The following FAAH variants were observed in gnomAD, a reference collection of about 807,000 sequenced individuals.
The protein encoded by FAAH is fatty acid amide hydrolase.
In FAAH, 63 loss-of-function variants were observed where a neutral mutation model predicts 69.7. That is an observed-to-expected ratio of 0.90 (90% confidence interval 0.74 to 1.12). The LOEUF (loss-of-function observed/expected upper bound fraction) is 1.12. Ranked by LOEUF, FAAH falls within the 50% of genes most tolerant of loss-of-function variation. The pLI is 0.00. For missense variants in FAAH, 680 were observed against 755.0 expected, an observed-to-expected ratio of 0.90 and a Z score of 1.16; for synonymous variants, 305 against 324.2, an observed-to-expected ratio of 0.94 and a Z score of 0.64.
chr1:46,394,568 G>T, intron 1 of FAAH, 25 bp downstream of exon 1: 2 of 1,333,858 alleles, frequency 1.5e-6, no homozygotes, highest in South Asian at 4.0e-5. Flanking sequence ...GTAGTGGGAT[G>T]GGCGCGGCCT....
At chr1:46,400,825 GT>G (rs1433267268) in intron 1 of FAAH, among the ~76,000 whole-genome samples, 3 of 58,414 alleles carry the variant, frequency 5.1e-5, no homozygotes, top group East Asian at 5.5e-4. Context: ...GGGGAGGAGG[GT>G]AAGAGGGGAG....
intron 1 of FAAH, among the ~76,000 whole-genome samples, chr1:46,398,837 T>G (rs1221947919): frequency 6.6e-6 from 1 of 152,192 alleles, no homozygotes; most frequent in Non-Finnish European, 1.5e-5. Flanking sequence ...TCCCGGATTC[T>G]TGGCTGTGTC....
At chr1:46,407,913 A>T (rs907263948) in intron 7 of FAAH, among the ~76,000 whole-genome samples, 1 of 152,098 alleles carries the variant, frequency 6.6e-6, no homozygotes. Context: ...GACGGGAAGG[A>T]GAGTGGGCCT....
In FAAH at chr1:46,404,390, G is replaced by A. The variant is rs547472727; in HGVS notation, c.310-624G>A. Among the ~76,000 whole-genome samples, 4 of 152,236 alleles carry A rather than the reference G, an allele frequency of 2.6e-5. No homozygotes were observed. The highest frequency in any genetic ancestry group is 1.9e-4 in the East Asian group (1 of 5,208). On this transcript the variant is annotated intron_variant, in intron 2 of 14. Coordinates refer to ENST00000243167, the MANE Select transcript of FAAH (RefSeq NM_001441.3). This position sits in a 1 kb window ranked among gnomAD's most constrained non-coding sequence, Gnocchi z 4.5. ...CCTTTCCTTCTGTAGGACCCTGTGT[G>A]GTGAGGTTTGAGCATTCTAGGCAGA...
chr1:46,405,524 GC>G lies in FAAH; in HGVS notation c.578+20del. 6.2e-7 allele frequency: 1 copy of G among 1,612,414 alleles called. No homozygotes were observed. The highest frequency in any genetic ancestry group is 8.5e-7 in the Non-Finnish European group (1 of 1,179,630). On this transcript the variant is annotated intron_variant, in intron 4 of 14. Transcript: ENST00000243167. This position sits in a 1 kb window ranked among gnomAD's most constrained non-coding sequence, Gnocchi z 4.1. The stretch of plus-strand genomic sequence containing the variant: ...TGTTCAGGTTGGGTCTTGGGGTGGG[GC>G]GGGGCGGGGCAGGGGCACCGGTCCC...
intron 1 of FAAH, among the ~76,000 whole-genome samples, chr1:46,399,773 A>T (rs1664664322): frequency 6.6e-6 from 1 of 152,254 alleles, no homozygotes; most frequent in Non-Finnish European, 1.5e-5. Context: ...AAGATGCAGT[A>T]CTGTGTGTAT....
Position 46,406,304 on chromosome 1 carries a change from C to T in FAAH, c.887C>T (p.Ala296Val). ...DVESLALCLR[A>V]LLCEDMFRLD... ...GAGAGCCTGGCACTGTGCCTGCGAG[C>T]CCTGCTGTGTGAGGACATGTTCCGC... Residue 296 changes from alanine (A) to valine (V), a missense_variant, in exon 7 of 15, where the codon GCC becomes GTC. Transcript: ENST00000243167. 1 of 1,613,892 alleles carries T rather than the reference C, an allele frequency of 6.2e-7. No homozygotes were observed. Among genetic ancestry groups the T allele is most frequent in the Non-Finnish European group, 8.5e-7 (1 of 1,179,842 alleles).
In FAAH at chr1:46,402,181, G is replaced by T; in HGVS notation, c.286G>T (p.Val96Leu). The change falls in exon 2 of 15, where the codon GTG becomes TTG. Residue 96 changes from valine to leucine, a missense_variant. Val to Leu is a conservative substitution (Grantham distance 32). Coordinates refer to ENST00000243167, the MANE Select transcript of FAAH (RefSeq NM_001441.3). The part of the protein sequence containing the change: ...LHSRELAPEA[V>L]LFTYVGKAWE... ...CAGTAGAGAGCTGGCCCCTGAGGCC[G>T]TGCTCTTCACCTATGTGGGAAAGGT... 6.2e-7 allele frequency: 1 copy of T among 1,604,852 alleles called. No homozygotes were observed. The highest frequency in any genetic ancestry group is 8.5e-7 in the Non-Finnish European group (1 of 1,175,560).
At position 46,413,421 on chromosome 1, in the gene FAAH, T is replaced by C. The variant is rs377250399; in HGVS notation, c.1612-26T>C. The C allele has an allele frequency of 8.1e-6, 13 of 1,613,942 alleles. No homozygotes were observed. In the Admixed American group the frequency reaches 2.2e-4, roughly 27 times the overall value. On this transcript the variant is annotated intron_variant, in intron 14 of 14. Coordinates refer to ENST00000243167, the MANE Select transcript of FAAH (RefSeq NM_001441.3). ...GTGGGGAGTCCTGCCTTGCTAACCC[T>C]ATCCTGATGCCTGTATCCCCTATAG...
chr1:46,409,261 A>G lies in FAAH; in HGVS notation c.1175+63A>G, dbSNP rs915265119. 17 of 1,336,050 alleles carry G rather than the reference A, an allele frequency of 1.3e-5. No individual in the cohort carries two copies. In the African/African-American group the frequency reaches 2.3e-4, roughly 18 times the overall value. The allele number at this position is 1,336,050 out of a possible 1,614,324, so 82.8% of individuals were successfully genotyped here. A position where few individuals can be genotyped will look rare whatever the true frequency, so the allele number is the denominator to read the frequency against. On this transcript the variant is annotated intron_variant, in intron 9 of 14. Coordinates refer to ENST00000243167, the MANE Select transcript of FAAH (RefSeq NM_001441.3). ...GACAAGTAGGCAGACCTGGGGGAGC[A>G]GCAGGGTGTGGTGATGCCTGGATGG...
intron 1 of FAAH, among the ~76,000 whole-genome samples, chr1:46,401,682 A>G (rs1305615975): frequency 1.3e-5 from 2 of 152,202 alleles, no homozygotes; most frequent in Admixed American, 1.3e-4. Context: ...TAATCAAAAC[A>G]TGGATGACAT....
rs1557762994 is a variant in FAAH, at chr1:46,413,602, C to T, written c.*27C>T. ...GGCTCTGGCTCCAGAGGACCTGAGA[C>T]TCACACTCTCTGCAGCCCAGCCTAG... On this transcript the variant is annotated 3_prime_UTR_variant, in exon 15 of 15. Coordinates refer to ENST00000243167, the MANE Select transcript of FAAH (RefSeq NM_001441.3). The T allele has an allele frequency of 2.5e-6, 4 of 1,613,914 alleles. No individual in the cohort carries two copies. Among genetic ancestry groups the T allele is most frequent in the South Asian group, 2.2e-5 (2 of 91,070 alleles).
intron 8 of FAAH, among the ~76,000 whole-genome samples, 168 bp from the exon 9 acceptor site, chr1:46,408,933 C>A (rs144217473): frequency 6.6e-6 from 1 of 152,160 alleles, no homozygotes; most frequent in Non-Finnish European, 1.5e-5. Context: ...TCATGCTGTG[C>A]ATTCCACAGT....
Position 46,410,340 on chromosome 1 carries a change from A to C in FAAH, c.1176-58A>C. The C allele has an allele frequency of 1.4e-6, 2 of 1,427,228 alleles. No homozygotes were observed. The highest frequency in any genetic ancestry group is 1.7e-5 in the Admixed American group (1 of 59,774). 88.4% of individuals were successfully genotyped at this position (1,427,228 alleles called of 1,614,324 possible). A position where few individuals can be genotyped will look rare whatever the true frequency, so the allele number is the denominator to read the frequency against. The stretch of plus-strand genomic sequence containing the variant: ...GAATGGGATTGCTGTGGGCCGGGCG[A>C]GCAAGCTGGGAAGGATGTGGGGATG... On this transcript the variant is annotated intron_variant, in intron 9 of 14. Coordinates refer to ENST00000243167, the MANE Select transcript of FAAH (RefSeq NM_001441.3). The surrounding 1 kb of genome is among the most constrained non-coding windows in gnomAD (Gnocchi z 4.9).
At chr1:46,412,392 C>A in intron 13 of FAAH, 141 bp downstream of exon 13, 1 of 719,236 alleles carries the variant, frequency 1.4e-6, no homozygotes, top group Non-Finnish European at 2.4e-6. Context: ...ACATGGCAGT[C>A]ATGTGGGTTG....
At chr1:46,400,256 G>T (rs1483458413) in intron 1 of FAAH, among the ~76,000 whole-genome samples, 1 of 152,130 alleles carries the variant, frequency 6.6e-6, no homozygotes, top group Non-Finnish European at 1.5e-5. Context: ...CCACAGCTTG[G>T]AAGCACCTCC....
chr1:46,412,117 C>A, intron 12 of FAAH, 26 bp from the exon 13 acceptor site: 1 of 1,546,542 alleles, frequency 6.5e-7, no homozygotes, highest in Non-Finnish European at 8.8e-7. Flanking sequence ...TGAGTGCTTT[C>A]ACCTGGTGTG....
intron 1 of FAAH, among the ~76,000 whole-genome samples, chr1:46,399,585 C>T (rs371790098): frequency 1.3e-5 from 2 of 152,160 alleles, no homozygotes; most frequent in East Asian, 1.9e-4. Flanking sequence ...GTAGCGAGGT[C>T]GGGGGAGTTG....
chr1:46,409,410 G>A, intron 9 of FAAH: 1 of 565,104 alleles, frequency 1.8e-6, no homozygotes, highest in South Asian at 1.7e-5. Flanking sequence ...GCTGGGTTGA[G>A]TATCTGTGGC....
Sources: gnomAD v4.1 joint callset for allele counts (sites outside exome capture counted in the v4.1 genomes callset) on GRCh38, gnomAD v4.1.1 for gene constraint, Gnocchi (gnomAD v3.1) non-coding constraint, MANE v1.5 for transcripts, NCBI Gene and HGNC (gene_info 2026-07-23, HGNC 2026-07-21) for gene names.